RAD51AP1: variants seen among roughly 807,000 people sequenced by gnomAD.
RAD51AP1 encodes RAD51-associated protein 1.
Under a neutral mutation model 34.3 loss-of-function variants are expected in RAD51AP1, and 14 were observed. The ratio of observed to expected loss-of-function variants is 0.41; its 90% confidence interval spans 0.27 to 0.64. The LOEUF (loss-of-function observed/expected upper bound fraction) is 0.64. Among genes scored for constraint, RAD51AP1 ranks in the 30% least tolerant of loss-of-function variants. The probability of loss-of-function intolerance (pLI) is 0.33; values close to 1 mark genes in which losing one functional copy is unlikely to be tolerated. For missense variants in RAD51AP1, 348 were observed against 386.9 expected (o/e 0.90, Z 0.84); for synonymous variants, 114 against 129.8 (o/e 0.88, Z 0.83).
chr12:4,538,930 G>C lies in RAD51AP1; in HGVS notation c.-10G>C. 1 of 1,614,100 alleles carries C rather than the reference G, an allele frequency of 6.2e-7. No individual in the cohort carries two copies. Among genetic ancestry groups the C allele is most frequent in the Non-Finnish European group, 8.5e-7 (1 of 1,179,938 alleles). On this transcript the variant is annotated 5_prime_UTR_variant, in exon 1 of 9. Transcript: ENST00000352618. The stretch of plus-strand genomic sequence containing the variant: ...TTGAGAACTGTAAATACCAAGCCTT[G>C]AAAGGGACCATGGTGCGGCCTGTGA...
Position 4,558,980 on chromosome 12 carries a change from C to G in RAD51AP1, c.995C>G (p.Ala332Gly), listed in dbSNP as rs1289609047. Residue 332 changes from alanine (A) to glycine (G), a missense_variant, in exon 9 of 9, where the codon GCC (alanine) becomes GGC (glycine). Ala to Gly is a moderately conservative substitution (Grantham distance 60). Transcript: ENST00000352618. ...CGAGTTAAACCTTTGCATCCAAATG[C>G]CACTAGCACCTGAGTGTGGTACAGG... ...LARVKPLHPN[A>G]TST 6.2e-7 allele frequency: 1 copy of G among 1,614,036 alleles called. No homozygotes were observed.
Position 4,559,299 on chromosome 12 carries a change from T to G in RAD51AP1, c.*306T>G, listed in dbSNP as rs1158041640. Reference sequence around the variant, plus strand: ...TCTTTTCTAGTTACATGATGTGCCTTTCTAGCTTTGTCTAGTTTATAGCAC... The same window carrying G: ...TCTTTTCTAGTTACATGATGTGCCTGTCTAGCTTTGTCTAGTTTATAGCAC... On this transcript the variant is annotated 3_prime_UTR_variant, in exon 9 of 9. Transcript: ENST00000352618. 4.7e-6 allele frequency: 1 copy of G among 211,018 alleles called. No homozygotes were observed. Among genetic ancestry groups the G allele is most frequent in the Non-Finnish European group, 9.4e-6 (1 of 106,722 alleles). 13.1% of individuals were successfully genotyped at this position (211,018 alleles called of 1,614,324 possible).
At chr12:4,548,205 CTCA>C (rs746610959) in intron 5 of RAD51AP1, 27 bp downstream of exon 5, 1 of 1,582,274 alleles carries the variant, frequency 6.3e-7, no homozygotes, top group Non-Finnish European at 8.5e-7. Flanking sequence ...AATAATTTTT[CTCA>C]TCAACAATGC....
At chr12:4,553,420 A>T (rs1281137166) in intron 7 of RAD51AP1, among the ~76,000 whole-genome samples, 1 of 152,172 alleles carries the variant, frequency 6.6e-6, no homozygotes, top group African/African-American at 2.4e-5. Context: ...CTACAGTGAA[A>T]AACTGAGTGT....
chr12:4,556,148 G>A (rs1208008219), intron 7 of RAD51AP1, among the ~76,000 whole-genome samples: 1 of 152,134 alleles, frequency 6.6e-6, no homozygotes, highest in African/African-American at 2.4e-5. Flanking sequence ...AAGAGTTAGA[G>A]GTAATGTGTG....
At position 4,553,071 on chromosome 12, in the gene RAD51AP1, T is replaced by G; in HGVS notation, c.645T>G (p.Ile215Met). The change falls in exon 7 of 9, where the codon ATT (isoleucine) becomes ATG (methionine). Residue 215 changes from isoleucine (I) to methionine (M), a missense_variant. Coordinates refer to ENST00000352618, the MANE Select transcript of RAD51AP1 (RefSeq NM_006479.5). Reference protein sequence around the residue: ...FSMRKSKVKEIKKKEVKVKSP... With the variant: ...FSMRKSKVKEMKKKEVKVKSP... ...TGAGAAAAAGTAAAGTTAAAGAAATTAAAAAGAAAGAAGTGAAGGTAAAAT... is the reference window on the plus strand; with the variant it reads ...TGAGAAAAAGTAAAGTTAAAGAAATGAAAAAGAAAGAAGTGAAGGTAAAAT... 1.2e-6 allele frequency: 2 copies of G among 1,606,024 alleles called. No individual in the cohort carries two copies. The highest frequency in any genetic ancestry group is 1.7e-6 in the Non-Finnish European group (2 of 1,176,612).
intron 8 of RAD51AP1, among the ~76,000 whole-genome samples, chr12:4,558,491 A>T (rs955106108): frequency 2.6e-5 from 4 of 152,208 alleles, no homozygotes; most frequent in African/African-American, 7.2e-5. Flanking sequence ...CTCTTCAAGG[A>T]CTACTTGTAA....
intron 7 of RAD51AP1, among the ~76,000 whole-genome samples, chr12:4,555,417 C>CAGAA (rs1169862856): frequency 6.6e-6 from 1 of 152,120 alleles, no homozygotes; most frequent in Non-Finnish European, 1.5e-5. Flanking sequence ...CCATAATAAC[C>CAGAA]TTCTAAGTAG....
intron 7 of RAD51AP1, 189 bp downstream of exon 7, chr12:4,553,336 C>T: frequency 2.4e-6 from 1 of 420,970 alleles, no homozygotes; most frequent in Non-Finnish European, 4.2e-6. Flanking sequence ...ACTACGTATG[C>T]TAGCACTTAC....
Position 4,538,926 on chromosome 12 carries a change from C to A in RAD51AP1, c.-14C>A, listed in dbSNP as rs373499763. On this transcript the variant is annotated 5_prime_UTR_variant, in exon 1 of 9. Coordinates refer to ENST00000352618, the MANE Select transcript of RAD51AP1 (RefSeq NM_006479.5). ...GAATTTGAGAACTGTAAATACCAAG[C>A]CTTGAAAGGGACCATGGTGCGGCCT... 2.1e-5 allele frequency: 34 copies of A among 1,613,846 alleles called. No homozygotes were observed. The highest frequency in any genetic ancestry group is 2.9e-5 in the Non-Finnish European group (34 of 1,179,888).
chr12:4,559,666 T>C lies in RAD51AP1; in HGVS notation c.*673T>C, dbSNP rs1490061933. On this transcript the variant is annotated 3_prime_UTR_variant, in exon 9 of 9. Coordinates refer to ENST00000352618, the MANE Select transcript of RAD51AP1 (RefSeq NM_006479.5). ...TACCACTCATCCACGTGTTCCTGATTGTCCACATTTCATGATAAAATGAGA... is the reference window on the plus strand; with the variant it reads ...TACCACTCATCCACGTGTTCCTGATCGTCCACATTTCATGATAAAATGAGA... The C allele has an allele frequency of 6.6e-6, 1 of 152,240 alleles. No homozygotes were observed. Among genetic ancestry groups the C allele is most frequent in the Non-Finnish European group, 1.5e-5 (1 of 68,044 alleles). The allele number at this position is 152,240 out of a possible 1,614,324, so 9.4% of individuals were successfully genotyped here.
In RAD51AP1 at chr12:4,546,416, AAAGT is replaced by A; in HGVS notation, c.319+1_319+4del. 1 of 1,595,246 alleles carries A rather than the reference AAAGT, an allele frequency of 6.3e-7. No homozygotes were observed. The highest frequency in any genetic ancestry group is 8.6e-7 in the Non-Finnish European group (1 of 1,165,938). On this transcript the variant is annotated splice_donor_variant and coding_sequence_variant, in exon 4 of 9. Coordinates refer to ENST00000352618, the MANE Select transcript of RAD51AP1 (RefSeq NM_006479.5). LOFTEE classifies it high-confidence loss of function. ...ACTAATGTGCAGAACTCTCAAGATAAAAGTAACTTTATTTTCTGTATATTTAGCT... is the reference window on the plus strand; with the variant it reads ...ACTAATGTGCAGAACTCTCAAGATAAAACTTTATTTTCTGTATATTTAGCT...
At chr12:4,556,917 G>C (rs1056960698) in intron 8 of RAD51AP1, among the ~76,000 whole-genome samples, 9 of 152,188 alleles carry the variant, frequency 5.9e-5, no homozygotes, top group Non-Finnish European at 8.8e-5. Context: ...GGATCTATAT[G>C]TGGCAATTCT....
Position 4,543,745 on chromosome 12 carries a change from T to C in RAD51AP1, c.68-18T>C. The C allele has an allele frequency of 6.6e-7, 1 of 1,515,798 alleles. No homozygotes were observed. Among genetic ancestry groups the C allele is most frequent in the East Asian group, 2.3e-5 (1 of 42,672 alleles). 93.9% of individuals were successfully genotyped at this position (1,515,798 alleles called of 1,614,324 possible). ...GAAAATAATATTTTTCTTTTGGTTT[T>C]AATTCACACATGAATAGATGATTTT... On this transcript the variant is annotated intron_variant, in intron 2 of 8. Coordinates refer to ENST00000352618, the MANE Select transcript of RAD51AP1 (RefSeq NM_006479.5).
intron 1 of RAD51AP1, among the ~76,000 whole-genome samples, chr12:4,539,347 C>T (rs1944436356): frequency 6.6e-6 from 1 of 152,156 alleles, no homozygotes; most frequent in Non-Finnish European, 1.5e-5. Flanking sequence ...TTATCTGAGT[C>T]ATACAGCCCA....
At chr12:4,552,615 A>C (rs1046175096) in intron 6 of RAD51AP1, among the ~76,000 whole-genome samples, 1 of 152,254 alleles carries the variant, frequency 6.6e-6, no homozygotes. Context: ...AATCTGAAGT[A>C]AAGATTACTG....
chr12:4,549,454 CA>C (rs1944530553), intron 6 of RAD51AP1, among the ~76,000 whole-genome samples: 1 of 152,058 alleles, frequency 6.6e-6, no homozygotes, highest in African/African-American at 2.4e-5. Flanking sequence ...ATACTATCAA[CA>C]AACAATAACA....
At chr12:4,539,107 C>G in intron 1 of RAD51AP1, 151 bp downstream of exon 1, 2 of 808,516 alleles carry the variant, frequency 2.5e-6, no homozygotes, top group Middle Eastern at 2.5e-4. Flanking sequence ...TGAGAGCCAC[C>G]CGTTGCTCAG....
At chr12:4,548,866 C>A (rs774592035) in intron 6 of RAD51AP1, 30 bp downstream of exon 6, 2 of 1,601,130 alleles carry the variant, frequency 1.2e-6, no homozygotes, top group Non-Finnish European at 1.7e-6. Context: ...GAAATTAATT[C>A]TATGGGAATT....
Sources: allele counts gnomAD v4.1 joint callset (sites outside exome capture counted in the v4.1 genomes callset), GRCh38; gene constraint gnomAD v4.1.1; transcripts MANE v1.5; gene names NCBI Gene and HGNC (gene_info 2026-07-23, HGNC 2026-07-21).